Variants in CEP120 observed in about 807,000 individuals in gnomAD.
CEP120 encodes centrosomal protein 120, also known as centrosomal protein of 120 kDa.
In CEP120, 113 loss-of-function variants were observed where a neutral mutation model predicts 126.5. The observed-to-expected ratio is 0.89, with a 90% CI of 0.77 to 1.04. The LOEUF is 1.04. Ranked by LOEUF, CEP120 falls within the 50% of genes least tolerant of loss-of-function variation. The probability of loss-of-function intolerance (pLI) is 0.00; values close to 1 mark genes in which losing one functional copy is unlikely to be tolerated. For synonymous variants in CEP120, 400 were observed against 394.3 expected, an observed-to-expected ratio of 1.01 and a Z score of -0.17; for missense variants, 1,230 against 1,155.7, an observed-to-expected ratio of 1.06 and a Z score of -0.93.
At chr5:123,376,751 A>G (rs1771252999) in intron 16 of CEP120, among the ~76,000 whole-genome samples, 1 of 152,096 alleles carries the variant, frequency 6.6e-6, no homozygotes, top group Non-Finnish European at 1.5e-5. Context: ...AAGGTCTTGG[A>G]TATGACCCTG....
At chr5:123,389,834 A>G in intron 8 of CEP120, 90 bp downstream of exon 8, 2 of 1,170,552 alleles carry the variant, frequency 1.7e-6, no homozygotes, top group South Asian at 1.4e-5. Flanking sequence ...ATTTTTACTT[A>G]TAACTCATGA....
chr5:123,397,421 T>C (rs1407097098), intron 5 of CEP120, among the ~76,000 whole-genome samples: 2 of 152,066 alleles, frequency 1.3e-5, no homozygotes, highest in African/African-American at 4.8e-5. Flanking sequence ...TAGACAAGAG[T>C]GTTCTGATGT....
intron 17 of CEP120, among the ~76,000 whole-genome samples, chr5:123,366,834 A>C (rs1435448984): frequency 6.6e-6 from 1 of 151,912 alleles, no homozygotes; most frequent in Non-Finnish European, 1.5e-5. Context: ...AAAGCATTCC[A>C]AAATACAGTA....
At chr5:123,350,799 G>GT (rs1769150676) in intron 18 of CEP120, among the ~76,000 whole-genome samples, 1 of 152,092 alleles carries the variant, frequency 6.6e-6, no homozygotes, top group Admixed American at 6.6e-5. Flanking sequence ...TTTTAAAAAA[G>GT]TTTAACAATT....
chr5:123,401,630 C>T, intron 4 of CEP120: 1 of 1,434,198 alleles, frequency 7.0e-7, no homozygotes, highest in Non-Finnish European at 9.8e-7. Flanking sequence ...GTCTGAGATC[C>T]AGGACTGCAG....
chr5:123,346,737 G>A lies in CEP120; in HGVS notation c.2743C>T (p.Gln915Ter). ...NELNRLRQQE[Q>*]KQYQDSTEIA... ...TCTGTGGAATCCTGGTATTGTTTTT[G>A]CTCTTGTTGCCTTAACCTGAGAAGT... The change falls in exon 20 of 20, where the codon CAA (glutamine) becomes TAA (stop). Residue 915 changes from glutamine to a stop codon, truncating the protein, a stop_gained. Transcript: ENST00000306467. LOFTEE classifies it high-confidence loss of function. The A allele has an allele frequency of 6.2e-7, 1 of 1,607,182 alleles. No homozygotes were observed. Among genetic ancestry groups the A allele is most frequent in the Non-Finnish European group, 8.5e-7 (1 of 1,177,720 alleles).
At chr5:123,377,902 A>T (rs1237307298) in intron 15 of CEP120, among the ~76,000 whole-genome samples, 1 of 151,812 alleles carries the variant, frequency 6.6e-6, no homozygotes, top group Non-Finnish European at 1.5e-5. Flanking sequence ...CAGCCTTGGT[A>T]TTAGGCACAA....
chr5:123,354,891 C>T (rs186518060), intron 18 of CEP120, among the ~76,000 whole-genome samples: 3,972 of 151,846 alleles, frequency 0.026, 180 homozygotes, highest in African/African-American at 0.089. Flanking sequence ...CCCATTAACT[C>T]GTCATTTAGC....
At chr5:123,374,532 T>C (rs549675698) in intron 16 of CEP120, among the ~76,000 whole-genome samples, 3 of 152,222 alleles carry the variant, frequency 2.0e-5, no homozygotes, top group African/African-American at 7.2e-5. Context: ...CAAAAACATA[T>C]ACCGCTATGA....
chr5:123,393,558 GTATC>G, intron 5 of CEP120, 61 bp from the exon 6 acceptor site: 1 of 1,349,020 alleles, frequency 7.4e-7, no homozygotes, highest in Non-Finnish European at 1.1e-6. Flanking sequence ...CATGCTTAGT[GTATC>G]TATTACATTC....
chr5:123,401,078 A>T (rs530927090), intron 4 of CEP120: 2 of 1,587,294 alleles, frequency 1.3e-6, no homozygotes, highest in African/African-American at 2.7e-5. Flanking sequence ...CCGAGCTCAG[A>T]CCACTTGCAT....
chr5:123,360,876 CTG>C (rs1770026908), intron 18 of CEP120, among the ~76,000 whole-genome samples: 1 of 151,734 alleles, frequency 6.6e-6, no homozygotes, highest in African/African-American at 2.4e-5. Flanking sequence ...ATTCAGAACA[CTG>C]TTTACTTATA....
intron 2 of CEP120, among the ~76,000 whole-genome samples, chr5:123,416,661 C>T (rs1189156103): frequency 1.3e-5 from 2 of 152,084 alleles, no homozygotes; most frequent in East Asian, 1.9e-4. Context: ...AAATATTATA[C>T]AAAACATGTC....
At chr5:123,397,270 G>A (rs1333479635) in intron 5 of CEP120, among the ~76,000 whole-genome samples, 1 of 152,214 alleles carries the variant, frequency 6.6e-6, no homozygotes, top group South Asian at 2.1e-4. Context: ...GTTGTAGTGA[G>A]CTGAGATTGC....
chr5:123,349,286 T>TCCA (rs1260202334), intron 19 of CEP120, among the ~76,000 whole-genome samples: 6 of 152,114 alleles, frequency 3.9e-5, no homozygotes. Context: ...CTGTCTTTAA[T>TCCA]CTTCAATCTC....
At chr5:123,363,954 T>A (rs1770269526) in intron 18 of CEP120, among the ~76,000 whole-genome samples, 1 of 151,524 alleles carries the variant, frequency 6.6e-6, no homozygotes, top group South Asian at 2.1e-4. Context: ...AAATTAAGAT[T>A]AATTTCTTCT....
At chr5:123,385,907 CTATTA>C (rs1771988325) in intron 10 of CEP120, among the ~76,000 whole-genome samples, 2 of 152,038 alleles carry the variant, frequency 1.3e-5, no homozygotes, top group African/African-American at 4.8e-5. Context: ...GCCAGGCCTA[CTATTA>C]TATTTTTTGT....
chr5:123,371,895 C>A (rs906418303), intron 17 of CEP120, among the ~76,000 whole-genome samples: 5 of 152,058 alleles, frequency 3.3e-5, no homozygotes, highest in African/African-American at 1.2e-4. Flanking sequence ...CTATGTATTA[C>A]CTGTGTTATT....
At chr5:123,422,921 G>A (rs996310500) in intron 1 of CEP120, 29 bp downstream of exon 1, 7 of 1,608,512 alleles carry the variant, frequency 4.4e-6, no homozygotes. Context: ...GGAGGCAGCA[G>A]TTGCAAAAGC....
Sources: gnomAD v4.1 joint callset for allele counts (sites outside exome capture counted in the v4.1 genomes callset) on GRCh38, gnomAD v4.1.1 for gene constraint, MANE v1.5 for transcripts, NCBI Gene and HGNC (gene_info 2026-07-23, HGNC 2026-07-21) for gene names.